Variants in PPARA observed in about 807,000 individuals in gnomAD.
The protein encoded by PPARA is peroxisome proliferator-activated receptor alpha.
Under a neutral mutation model 42.2 loss-of-function variants are expected in PPARA, and 22 were observed. The ratio of observed to expected loss-of-function variants is 0.52; its 90% CI spans 0.37 to 0.74. The LOEUF (loss-of-function observed/expected upper bound fraction) is 0.74, where lower values mean the gene tolerates loss of function less well. Among genes scored for constraint, PPARA ranks in the 30% least tolerant of loss-of-function variants. The pLI is 0.00. For synonymous variants in PPARA, 242 were observed against 239.3 expected, an observed-to-expected ratio of 1.01 and a Z score of -0.10; for missense variants, 465 against 608.2, an observed-to-expected ratio of 0.76 and a Z score of 2.48.
At position 46,172,608 on chromosome 22, in the gene PPARA, G is replaced by A. The variant is rs571401442; in HGVS notation, c.-126-4145G>A. Among the ~76,000 whole-genome samples the A allele has an allele frequency of 8.5e-5, 13 of 152,148 alleles. No individual in the cohort carries two copies. In the East Asian group the frequency reaches 1.5e-3, roughly 18 times the overall value. On this transcript the variant is annotated intron_variant, in intron 2 of 8. Coordinates refer to ENST00000407236, the MANE Select transcript of PPARA (RefSeq NM_005036.6). ...ATTGCAGCCTCGGTGAGAGAGCAAG[G>A]CCCCATCTCAAAAAAGAAAAAAACA...
At position 46,199,206 on chromosome 22, in the gene PPARA, G is replaced by T. The variant is rs371155731; in HGVS notation, c.208+615G>T. Among the ~76,000 whole-genome samples the T allele has an allele frequency of 3.3e-5, 5 of 152,318 alleles. No homozygotes were observed. In the South Asian group the frequency reaches 1.0e-3, roughly 32 times the overall value. On this transcript the variant is annotated intron_variant, in intron 4 of 8. Transcript: ENST00000407236. ...GGGCAGCTAGACATTTTTAAGAGGAGACGTGTGCAAGGGTCTGCATAGAGG... is the reference window on the plus strand; with the variant it reads ...GGGCAGCTAGACATTTTTAAGAGGATACGTGTGCAAGGGTCTGCATAGAGG...
intron 3 of PPARA, among the ~76,000 whole-genome samples, chr22:46,194,568 CTTTTT>C (rs1158744441): frequency 7.0e-4 from 88 of 125,492 alleles, no homozygotes; most frequent in Non-Finnish European, 1.2e-3. Flanking sequence ...TTGCTTTTTC[CTTTTT>C]TTTTTTTTTT....
rs748749974 is a variant in PPARA at position 46,231,814 on chromosome 22, A to G, written c.734A>G (p.Glu245Gly). The change falls in exon 8 of 9, where the codon GAG (glutamate) becomes GGG (glycine). Residue 245 changes from glutamate (E) to glycine (G), a missense_variant. Coordinates refer to ENST00000407236, the MANE Select transcript of PPARA (RefSeq NM_005036.6). The surrounding 1 kb of genome is among the most constrained non-coding windows in gnomAD (Gnocchi z 7.7). Reference protein sequence around the residue: ...NNPPFVIHDMETLCMAEKTLV... With the variant: ...NNPPFVIHDMGTLCMAEKTLV... ...TAGCCTTTTGTCATACATGATATGG[A>G]GACACTGTGTATGGCTGAGAAGACG... 6.2e-7 allele frequency: 1 copy of G among 1,613,540 alleles called. No homozygotes were observed. The highest frequency in any genetic ancestry group is 8.5e-7 in the Non-Finnish European group (1 of 1,180,006).
rs4253780 is a variant in PPARA, at chr22:46,235,790, T to C, written c.*410T>C. The C allele has an allele frequency of 2.3e-3, 653 of 278,920 alleles. 4 individuals are homozygous for C. The highest frequency in any genetic ancestry group is 0.014 in the African/African-American group (628 of 45,788). 17.3% of individuals were successfully genotyped at this position (278,920 alleles called of 1,614,324 possible). On this transcript the variant is annotated 3_prime_UTR_variant, in exon 9 of 9. Transcript: ENST00000407236. The surrounding 1 kb of genome is among the most constrained non-coding windows in gnomAD (Gnocchi z 7.0). ...TGTGCTCCTTTATAATTCTGAAAAC[T>C]AATCAGCACTTTTTAACAATGTTTA...
intron 4 of PPARA, among the ~76,000 whole-genome samples, chr22:46,206,201 A>C (rs1028676500): frequency 2.0e-5 from 3 of 152,080 alleles, no homozygotes; most frequent in African/African-American, 7.2e-5. Flanking sequence ...TCCTGGGTTC[A>C]AGCAATTCTC....
rs1363813398 is a variant in PPARA at position 46,156,801 on chromosome 22, C to T, written c.-127+4831C>T. On this transcript the variant is annotated intron_variant, in intron 2 of 8. Coordinates refer to ENST00000407236, the MANE Select transcript of PPARA (RefSeq NM_005036.6). This position sits in a 1 kb window ranked among gnomAD's most constrained non-coding sequence, Gnocchi z 5.2. ...ATTTTTAGTAGAGATGGAGTTTCACCATGTTGGCCAGGCTGGTTTTGAACT... is the reference window on the plus strand; with the variant it reads ...ATTTTTAGTAGAGATGGAGTTTCACTATGTTGGCCAGGCTGGTTTTGAACT... 1.3e-5 allele frequency among the ~76,000 whole-genome samples: 2 copies of T among 152,172 alleles called. No individual in the cohort carries two copies. Among genetic ancestry groups the T allele is most frequent in the Non-Finnish European group, 2.9e-5 (2 of 68,038 alleles).
chr22:46,188,994 T>C lies in PPARA; in HGVS notation c.-42-9348T>C, dbSNP rs547809628. On this transcript the variant is annotated intron_variant, in intron 3 of 8. Coordinates refer to ENST00000407236, the MANE Select transcript of PPARA (RefSeq NM_005036.6). This position sits in a 1 kb window ranked among gnomAD's most constrained non-coding sequence, Gnocchi z 5.0. ...GGCCAGGCCACTGCGCCCAGGCTGC[T>C]TCCTCGTCATCTGGCTGCTAAATGC... Among the ~76,000 whole-genome samples, 1 of 152,250 alleles carries C rather than the reference T, an allele frequency of 6.6e-6. No homozygotes were observed. Among genetic ancestry groups the C allele is most frequent in the East Asian group, 1.9e-4 (1 of 5,202 alleles).
In PPARA at chr22:46,150,770, G is replaced by T. The variant is rs1924279822; in HGVS notation, c.-210+118G>T. ...GGGGGAGGGGCAGGGGCTGGGCGGC[G>T]CATGCGCGGGGCCCGGGGTCTCGGG... is the stretch of plus-strand genomic sequence containing the variant. On this transcript the variant is annotated intron_variant, in intron 1 of 8. Coordinates refer to ENST00000407236, the MANE Select transcript of PPARA (RefSeq NM_005036.6). This position sits in a 1 kb window ranked among gnomAD's most constrained non-coding sequence, Gnocchi z 7.5. The T allele has an allele frequency of 1.3e-5, 2 of 150,894 alleles. No individual in the cohort carries two copies. Among genetic ancestry groups the T allele is most frequent in the East Asian group, 2.0e-4 (1 of 5,068 alleles). The allele number at this position is 150,894 out of a possible 1,614,324, so 9.3% of individuals were successfully genotyped here. A position where few individuals can be genotyped will look rare whatever the true frequency, so the allele number is the denominator to read the frequency against.
rs564147221 is a variant in PPARA, at chr22:46,159,581, C to T, written c.-127+7611C>T. 5.3e-5 allele frequency among the ~76,000 whole-genome samples: 8 copies of T among 152,268 alleles called. No homozygotes were observed. The South Asian group carries it at 1.7e-3, about 32-fold the overall frequency. Reference sequence around the variant, plus strand: ...ATTCTCTTCTTTCCTTAGAAAAACTCGCTTTGTTAGCCTTTTCCAGAAAGG... The same window carrying T: ...ATTCTCTTCTTTCCTTAGAAAAACTTGCTTTGTTAGCCTTTTCCAGAAAGG... On this transcript the variant is annotated intron_variant, in intron 2 of 8. Coordinates refer to ENST00000407236, the MANE Select transcript of PPARA (RefSeq NM_005036.6).
rs1480426955 is a variant in PPARA, at chr22:46,231,203, C to T, written c.712-589C>T. Among the ~76,000 whole-genome samples the T allele has an allele frequency of 2.6e-5, 4 of 151,754 alleles. No homozygotes were observed. Among genetic ancestry groups the T allele is most frequent in the Non-Finnish European group, 4.4e-5 (3 of 67,924 alleles). On this transcript the variant is annotated intron_variant, in intron 7 of 8. Coordinates refer to ENST00000407236, the MANE Select transcript of PPARA (RefSeq NM_005036.6). This position sits in a 1 kb window ranked among gnomAD's most constrained non-coding sequence, Gnocchi z 7.7. ...TCCCGAGTAGCTGGGGTTACAGGCA[C>T]ACACTATGCCTGGCTAATTTTTTTT...
At chr22:46,178,893 GAGAT>G (rs2147249651) in intron 3 of PPARA, among the ~76,000 whole-genome samples, 1 of 152,324 alleles carries the variant, frequency 6.6e-6, no homozygotes, top group South Asian at 2.1e-4. Flanking sequence ...TATACACAGT[GAGAT>G]AGATCAGAAT....
At position 46,207,686 on chromosome 22, in the gene PPARA, T is replaced by A. The variant is rs956417750; in HGVS notation, c.209-7487T>A. ...TATTATTATTATTATTATTTTTTTT[T>A]TTTTTTTTTTTTTTAGAGACAGGGT... On this transcript the variant is annotated intron_variant, in intron 4 of 8. Transcript: ENST00000407236. Among the ~76,000 whole-genome samples the A allele has an allele frequency of 1.7e-3, 200 of 117,996 alleles. 2 individuals are homozygous for A. The highest frequency in any genetic ancestry group is 5.7e-3 in the African/African-American group (142 of 24,816). The allele number at this position is 117,996 out of a possible 152,430, so 77.4% of individuals were successfully genotyped here.
At chr22:46,201,250 G>A (rs1932823108) in intron 4 of PPARA, among the ~76,000 whole-genome samples, 1 of 152,020 alleles carries the variant, frequency 6.6e-6, no homozygotes. Context: ...TGGCATGATC[G>A]CGCCTTGTAA....
Position 46,216,958 on chromosome 22 carries a change from C to T in PPARA, c.370-1305C>T, listed in dbSNP as rs1048721999. On this transcript the variant is annotated intron_variant, in intron 5 of 8. Coordinates refer to ENST00000407236, the MANE Select transcript of PPARA (RefSeq NM_005036.6). The surrounding 1 kb of genome is among the most constrained non-coding windows in gnomAD (Gnocchi z 4.5). ...AAATCCCTTCTCACGGTGCACGCTG[C>T]AGGTGTTCACTAACTTGGAAAATGC... 6.6e-6 allele frequency among the ~76,000 whole-genome samples: 1 copy of T among 152,238 alleles called. No homozygotes were observed. Among genetic ancestry groups the T allele is most frequent in the African/African-American group, 2.4e-5 (1 of 41,462 alleles).
Position 46,215,188 on chromosome 22 carries a change from C to G in PPARA, c.224C>G (p.Ala75Gly), listed in dbSNP as rs945713443. The G allele has an allele frequency of 2.5e-6, 4 of 1,614,064 alleles. No homozygotes were observed. In the South Asian group the frequency reaches 4.4e-5, roughly 18 times the overall value. ...GSVITDTLSPASSPSSVTYPV... is the reference protein window; with the variant it reads ...GSVITDTLSPGSSPSSVTYPV... ...TTTTCCCCAGACACGCTTTCACCAG[C>G]TTCGAGCCCCTCCTCGGTGACTTAT... The change falls in exon 5 of 9, where the codon GCT (alanine) becomes GGT (glycine). Residue 75 changes from alanine to glycine, a missense_variant. Coordinates refer to ENST00000407236, the MANE Select transcript of PPARA (RefSeq NM_005036.6).
Position 46,180,768 on chromosome 22 carries a change from G to A in PPARA, c.-43+3932G>A, listed in dbSNP as rs575937371. ...TAAATCCTCCTGAACCCCATCAATC[G>A]CTCCAGTTCTCTGATTTCCCACTAC... On this transcript the variant is annotated intron_variant, in intron 3 of 8. Transcript: ENST00000407236. The surrounding 1 kb of genome is among the most constrained non-coding windows in gnomAD (Gnocchi z 4.2). 3.3e-5 allele frequency among the ~76,000 whole-genome samples: 5 copies of A among 152,166 alleles called. No individual in the cohort carries two copies. The highest frequency in any genetic ancestry group is 2.1e-4 in the South Asian group (1 of 4,820).
rs1179257457 is a variant in PPARA at position 46,182,949 on chromosome 22, T to C, written c.-43+6113T>C. ...TAGTAAAGACAGGGTTTCGCCATGA[T>C]TGCCAGGCTGGTCTTGAACTCCTGA... On this transcript the variant is annotated intron_variant, in intron 3 of 8. Coordinates refer to ENST00000407236, the MANE Select transcript of PPARA (RefSeq NM_005036.6). This position sits in a 1 kb window ranked among gnomAD's most constrained non-coding sequence, Gnocchi z 5.2. 6.6e-6 allele frequency among the ~76,000 whole-genome samples: 1 copy of C among 152,178 alleles called. No individual in the cohort carries two copies. The highest frequency in any genetic ancestry group is 1.5e-5 in the Non-Finnish European group (1 of 68,024).
chr22:46,171,749 G>T lies in PPARA; in HGVS notation c.-126-5004G>T, dbSNP rs1464456230. 6.6e-6 allele frequency among the ~76,000 whole-genome samples: 1 copy of T among 152,174 alleles called. No homozygotes were observed. The highest frequency in any genetic ancestry group is 2.4e-5 in the African/African-American group (1 of 41,434). On this transcript the variant is annotated intron_variant, in intron 2 of 8. Coordinates refer to ENST00000407236, the MANE Select transcript of PPARA (RefSeq NM_005036.6). This position sits in a 1 kb window ranked among gnomAD's most constrained non-coding sequence, Gnocchi z 5.0. Reference sequence around the variant, plus strand: ...GGAGAAAGAGGTCAGGAGGTCCCAGGGGAGAGGCAGGACCAGTCTCGTGGA... The same window carrying T: ...GGAGAAAGAGGTCAGGAGGTCCCAGTGGAGAGGCAGGACCAGTCTCGTGGA...
chr22:46,208,656 C>A (rs1223089681), intron 4 of PPARA, among the ~76,000 whole-genome samples: 1 of 151,952 alleles, frequency 6.6e-6, no homozygotes, highest in Non-Finnish European at 1.5e-5. Context: ...CTTATTCTTC[C>A]TGTCTAACTA....
Sources: allele counts gnomAD v4.1 joint callset (sites outside exome capture counted in the v4.1 genomes callset), GRCh38; gene constraint gnomAD v4.1.1; non-coding constraint Gnocchi (gnomAD v3.1); transcripts MANE v1.5; gene names NCBI Gene and HGNC (gene_info 2026-07-23, HGNC 2026-07-21).